The following DNAJC11 variants were observed in gnomAD, a reference collection of about 807,000 sequenced individuals.
The protein encoded by DNAJC11 is DnaJ heat shock protein family (Hsp40) member C11, also known as dnaJ homolog subfamily C member 11.
In DNAJC11, 15 loss-of-function variants were observed where a neutral mutation model predicts 78.6. That is an observed-to-expected ratio of 0.19 (90% confidence interval 0.13 to 0.29). The LOEUF is 0.29. Ranked by LOEUF, DNAJC11 falls within the 10% of genes least tolerant of loss-of-function variation. The pLI is 1.00. For synonymous variants in DNAJC11, 292 were observed against 272.1 expected, an observed-to-expected ratio of 1.07 and a Z score of -0.72; for missense variants, 547 against 709.6, an observed-to-expected ratio of 0.77 and a Z score of 2.60.
At chr1:6,671,245 C>T (rs1642375336) in intron 3 of DNAJC11, among the ~76,000 whole-genome samples, 1 of 152,124 alleles carries the variant, frequency 6.6e-6, no homozygotes, top group Non-Finnish European at 1.5e-5. Context: ...CAGAGTCTTG[C>T]TCAATTTATT....
At chr1:6,655,588 T>G (rs1642114187) in intron 4 of DNAJC11, among the ~76,000 whole-genome samples, 1 of 151,874 alleles carries the variant, frequency 6.6e-6, no homozygotes, top group Non-Finnish European at 1.5e-5. Flanking sequence ...TTTGGGAGGC[T>G]GAGGGAGTGG....
At chr1:6,660,533 T>C (rs1316591827) in intron 4 of DNAJC11, among the ~76,000 whole-genome samples, 2 of 152,178 alleles carry the variant, frequency 1.3e-5, no homozygotes, top group African/African-American at 4.8e-5. Context: ...ATGGCAGGAT[T>C]AGGTTGTCTG....
chr1:6,681,862 G>T (rs1642558845), intron 1 of DNAJC11, among the ~76,000 whole-genome samples: 1 of 152,208 alleles, frequency 6.6e-6, no homozygotes, highest in Non-Finnish European at 1.5e-5. Context: ...TGTTATGTTT[G>T]ATTCTAGAGG....
chr1:6,663,201 G>A (rs532743438), intron 4 of DNAJC11, among the ~76,000 whole-genome samples: 1 of 152,242 alleles, frequency 6.6e-6, no homozygotes, highest in South Asian at 2.1e-4. Flanking sequence ...AAAATGGCCA[G>A]GAAATAATGT....
chr1:6,648,313 G>A (rs1031606785), intron 7 of DNAJC11, among the ~76,000 whole-genome samples: 17 of 151,884 alleles, frequency 1.1e-4, no homozygotes, highest in East Asian at 5.8e-4. Context: ...CCACCACCAC[G>A]CCTGGCTAAT....
At chr1:6,663,657 C>T (rs984934353) in intron 4 of DNAJC11, among the ~76,000 whole-genome samples, 15 of 152,280 alleles carry the variant, frequency 9.9e-5, no homozygotes, top group African/African-American at 3.1e-4. Context: ...TATGAACCCA[C>T]GTCCTGCCCA....
chr1:6,676,122 C>G (rs1198344933), intron 3 of DNAJC11, among the ~76,000 whole-genome samples: 1 of 152,154 alleles, frequency 6.6e-6, no homozygotes, highest in African/African-American at 2.4e-5. Context: ...CACTGCTATT[C>G]CCATCAAGCC....
At chr1:6,642,998 G>C (rs1641901114) in intron 10 of DNAJC11, among the ~76,000 whole-genome samples, 1 of 152,118 alleles carries the variant, frequency 6.6e-6, no homozygotes, top group Non-Finnish European at 1.5e-5. Flanking sequence ...TTAGGGGTTT[G>C]GGAGACAGCA....
At chr1:6,681,719 G>A (rs1006456446) in intron 1 of DNAJC11, among the ~76,000 whole-genome samples, 2 of 152,148 alleles carry the variant, frequency 1.3e-5, no homozygotes, top group African/African-American at 4.8e-5. Context: ...GGGGGCGGGT[G>A]CCAATGAGGC....
chr1:6,646,042 C>G (rs552768910), intron 7 of DNAJC11, 64 bp from the exon 8 acceptor site: 2 of 1,537,728 alleles, frequency 1.3e-6, no homozygotes, highest in Admixed American at 3.4e-5. Flanking sequence ...TCTGTTACTT[C>G]CTCTCTGCCT....
chr1:6,643,550 C>T (rs1641917322), intron 10 of DNAJC11, among the ~76,000 whole-genome samples: 1 of 152,118 alleles, frequency 6.6e-6, no homozygotes, highest in Non-Finnish European at 1.5e-5. Context: ...GCTGGGATTA[C>T]AGGTGTGAGC....
chr1:6,639,919 G>A lies in DNAJC11; in HGVS notation c.1236C>T (p.Leu412=), dbSNP rs1325337942. 1.9e-6 allele frequency: 3 copies of A among 1,613,694 alleles called. No individual in the cohort carries two copies. Among genetic ancestry groups the A allele is most frequent in the South Asian group, 1.1e-5 (1 of 90,988 alleles). The change falls in exon 11 of 16, where the codon CTC becomes CTT. Residue 412 remains leucine (L), a synonymous_variant. Transcript: ENST00000377577. ...CAACTCACTTCTCTTTCTGAGCCCT[G>A]AGGTATGGTTTGATGATCAGACGGT... ...AMHRLIIKPY[L]RAQKEKELEK...
In DNAJC11 at chr1:6,645,776, C is replaced by T; in HGVS notation, c.894+13G>A. 1 of 1,612,676 alleles carries T rather than the reference C, an allele frequency of 6.2e-7. No homozygotes were observed. The highest frequency in any genetic ancestry group is 8.5e-7 in the Non-Finnish European group (1 of 1,178,874). ...GAGCTCTGTCTGCAGGAGATGATGG[C>T]TGCTCGGCTCACCTGCAGGGCCACA... On this transcript the variant is annotated intron_variant, in intron 8 of 15. Coordinates refer to ENST00000377577, the MANE Select transcript of DNAJC11 (RefSeq NM_018198.4). This position sits in a 1 kb window ranked among gnomAD's most constrained non-coding sequence, Gnocchi z 4.1.
intron 11 of DNAJC11, among the ~76,000 whole-genome samples, chr1:6,639,169 A>G (rs193016680): frequency 3.3e-5 from 5 of 152,092 alleles, no homozygotes; most frequent in Admixed American, 3.3e-4. Flanking sequence ...TGGATTATCT[A>G]AGAAACTGCA....
chr1:6,670,005 G>T (rs1642353736), intron 3 of DNAJC11, among the ~76,000 whole-genome samples: 1 of 151,384 alleles, frequency 6.6e-6, no homozygotes. Context: ...CCAGGCTGGA[G>T]TGCGGTGGTG....
chr1:6,664,981 C>T (rs879296589), intron 4 of DNAJC11, among the ~76,000 whole-genome samples: 2 of 152,188 alleles, frequency 1.3e-5, no homozygotes, highest in African/African-American at 2.4e-5. Flanking sequence ...GGCAATATCA[C>T]GCACGGGATA....
intron 1 of DNAJC11, among the ~76,000 whole-genome samples, chr1:6,684,383 C>T (rs918642640): frequency 1.3e-5 from 2 of 152,146 alleles, no homozygotes; most frequent in African/African-American, 4.8e-5. Flanking sequence ...CACCCAGTCA[C>T]AAATCATTTT....
In DNAJC11 at chr1:6,680,798, G is replaced by C. The variant is rs1273355542; in HGVS notation, c.202+110C>G. The C allele has an allele frequency of 7.3e-7, 1 of 1,378,996 alleles. No homozygotes were observed. The highest frequency in any genetic ancestry group is 9.9e-7 in the Non-Finnish European group (1 of 1,014,510). The allele number at this position is 1,378,996 out of a possible 1,614,324, so 85.4% of individuals were successfully genotyped here. The stretch of plus-strand genomic sequence containing the variant: ...GTGAAAAGTACTAAACTAACCACCT[G>C]TTTTATATACCTCTAAGGACTCTCT... On this transcript the variant is annotated intron_variant, in intron 2 of 15. Transcript: ENST00000377577. This position sits in a 1 kb window ranked among gnomAD's most constrained non-coding sequence, Gnocchi z 4.0.
intron 10 of DNAJC11, among the ~76,000 whole-genome samples, chr1:6,640,570 G>A (rs1370458245): frequency 6.6e-6 from 1 of 152,308 alleles, no homozygotes; most frequent in Non-Finnish European, 1.5e-5. Flanking sequence ...GGTGGCTCAC[G>A]CCTGTAATCC....
Sources: gnomAD v4.1 joint callset for allele counts (sites outside exome capture counted in the v4.1 genomes callset) on GRCh38, gnomAD v4.1.1 for gene constraint, Gnocchi (gnomAD v3.1) non-coding constraint, MANE v1.5 for transcripts, NCBI Gene and HGNC (gene_info 2026-07-23, HGNC 2026-07-21) for gene names.